FGL1: variants seen among roughly 807,000 people sequenced by gnomAD.
FGL1 encodes fibrinogen-like protein 1.
Under a neutral mutation model 43.7 loss-of-function variants are expected in FGL1, and 59 were observed. That is an observed-to-expected ratio of 1.35 (90% confidence interval 1.10 to 1.68). The LOEUF is 1.68. FGL1 is among the 40% of genes most tolerant of loss of function. FGL1 has a pLI of 0.00. For synonymous variants in FGL1, 192 were observed against 126.5 expected (o/e 1.52, Z -3.48); for missense variants, 596 against 373.0 (o/e 1.60, Z -4.92).
intron 3 of FGL1, among the ~76,000 whole-genome samples, chr8:17,875,118 G>C (rs1035428713): frequency 6.6e-5 from 10 of 152,176 alleles, no homozygotes; most frequent in African/African-American, 2.4e-4. Flanking sequence ...TCCTGACTTA[G>C]AGCATGATAA....
intron 5 of FGL1, among the ~76,000 whole-genome samples, chr8:17,871,720 A>C (rs904353195): frequency 6.6e-6 from 1 of 151,958 alleles, no homozygotes; most frequent in Non-Finnish European, 1.5e-5. Flanking sequence ...ATAATTAAAG[A>C]ATGCAGAGAC....
chr8:17,885,385 T>C lies in FGL1; in HGVS notation c.63+107A>G, dbSNP rs182210693. ...CAGCCTCTTTGCTTTTCCCACATAGTTAAGTTTTTTCAATGACAAGTCACT... is the reference window on the plus strand; with the variant it reads ...CAGCCTCTTTGCTTTTCCCACATAGCTAAGTTTTTTCAATGACAAGTCACT... On this transcript the variant is annotated intron_variant, in intron 2 of 7. Coordinates refer to ENST00000427924, the MANE Select transcript of FGL1 (RefSeq NM_004467.4). 5.6e-4 allele frequency: 513 copies of C among 910,518 alleles called. 3 individuals carry two copies. The East Asian group carries it at 0.013, about 22-fold the overall frequency. 56.4% of individuals were successfully genotyped at this position (910,518 alleles called of 1,614,324 possible).
intron 3 of FGL1, among the ~76,000 whole-genome samples, chr8:17,876,986 C>T (rs1314292144): frequency 2.0e-5 from 3 of 152,066 alleles, no homozygotes; most frequent in African/African-American, 7.2e-5. Context: ...AAACCCCCAA[C>T]AAATAAATAA....
Position 17,864,551 on chromosome 8 carries a change from A to G in FGL1, c.*41T>C. On this transcript the variant is annotated 3_prime_UTR_variant, in exon 8 of 8. Transcript: ENST00000427924. Reference sequence around the variant, plus strand: ...AATGAGTATTTTTCAAATCACTTTAAACAAAGCTGAATTGCAGAAACGAAA... The same window carrying G: ...AATGAGTATTTTTCAAATCACTTTAGACAAAGCTGAATTGCAGAAACGAAA... 1 of 1,575,800 alleles carries G rather than the reference A, an allele frequency of 6.3e-7. No homozygotes were observed. Among genetic ancestry groups the G allele is most frequent in the East Asian group, 2.3e-5 (1 of 44,354 alleles).
chr8:17,874,220 T>G, intron 4 of FGL1, 104 bp from the exon 5 acceptor site: 3 of 1,350,380 alleles, frequency 2.2e-6, no homozygotes, highest in Non-Finnish European at 3.1e-6. Context: ...TTTTCTTGAT[T>G]AGTTAATTCA....
chr8:17,871,266 G>A (rs1441720934), intron 5 of FGL1, among the ~76,000 whole-genome samples: 1 of 152,090 alleles, frequency 6.6e-6, no homozygotes, highest in Non-Finnish European at 1.5e-5. Flanking sequence ...GCTAAGGCAC[G>A]CAGATGACTT....
At chr8:17,867,827 T>A (rs1342444944) in intron 7 of FGL1, among the ~76,000 whole-genome samples, 3 of 152,178 alleles carry the variant, frequency 2.0e-5, no homozygotes, top group Non-Finnish European at 4.4e-5. Context: ...CCCAACACTT[T>A]GGGAGGCCGG....
chr8:17,872,123 A>T (rs1487497984), intron 5 of FGL1, among the ~76,000 whole-genome samples: 1 of 152,146 alleles, frequency 6.6e-6, no homozygotes, highest in East Asian at 1.9e-4. Context: ...AGCACTGATC[A>T]TAAGAAGGAC....
chr8:17,893,658 T>G (rs1258572875), intron 1 of FGL1, among the ~76,000 whole-genome samples: 1 of 146,974 alleles, frequency 6.8e-6, no homozygotes, highest in African/African-American at 2.7e-5. Flanking sequence ...AGTCATTATA[T>G]TACTTTGATT....
At chr8:17,880,671 T>A (rs930232620) in intron 3 of FGL1, among the ~76,000 whole-genome samples, 3 of 152,176 alleles carry the variant, frequency 2.0e-5, no homozygotes, top group African/African-American at 7.2e-5. Context: ...CTCAATAGAC[T>A]CATAAACAGA....
chr8:17,883,612 T>C (rs933613724), intron 2 of FGL1, among the ~76,000 whole-genome samples: 5 of 143,240 alleles, frequency 3.5e-5, no homozygotes, highest in African/African-American at 1.3e-4. Context: ...CATAATGGAT[T>C]TATATAGTAT....
At chr8:17,874,143 T>G in intron 4 of FGL1, 27 bp from the exon 5 acceptor site, 2 of 1,573,822 alleles carry the variant, frequency 1.3e-6, no homozygotes, top group South Asian at 1.1e-5. Flanking sequence ...GGAAGCCGAT[T>G]AGAGCAAACT....
intron 1 of FGL1, among the ~76,000 whole-genome samples, chr8:17,890,609 C>T (rs414884): frequency 0.67 from 101,187 of 151,952 alleles, 34,429 homozygotes; most frequent in Middle Eastern, 0.74. Context: ...CTGTCCCCTA[C>T]TGTCTTAGTC....
At chr8:17,894,643 T>G (rs1236152828) in intron 1 of FGL1, among the ~76,000 whole-genome samples, 2 of 146,670 alleles carry the variant, frequency 1.4e-5, no homozygotes, top group Non-Finnish European at 3.0e-5. Flanking sequence ...ATGCAATTCA[T>G]TCAAAATGTA....
chr8:17,876,496 G>A (rs1382522342), intron 3 of FGL1, among the ~76,000 whole-genome samples: 2 of 152,156 alleles, frequency 1.3e-5, no homozygotes, highest in African/African-American at 4.8e-5. Flanking sequence ...AGATTCAGAA[G>A]CACATGCGTT....
chr8:17,876,468 T>A (rs149074994), intron 3 of FGL1, among the ~76,000 whole-genome samples: 1 of 152,202 alleles, frequency 6.6e-6, no homozygotes, highest in African/African-American at 2.4e-5. Context: ...TTAGGCTTTA[T>A]TCATATATTT....
chr8:17,890,538 C>T (rs796110103), intron 1 of FGL1, among the ~76,000 whole-genome samples: 4 of 152,250 alleles, frequency 2.6e-5, no homozygotes, highest in African/African-American at 9.6e-5. Flanking sequence ...TCCTTCAGGT[C>T]TTTGCTCAGG....
At chr8:17,874,555 A>G in intron 3 of FGL1, 34 bp from the exon 4 acceptor site, 2 of 1,573,104 alleles carry the variant, frequency 1.3e-6, no homozygotes, top group Admixed American at 1.8e-5. Context: ...AACATTCATT[A>G]TGTGTCTTTT....
At position 17,864,801 on chromosome 8, in the gene FGL1, A is replaced by T. The variant is rs760519806; in HGVS notation, c.780-50T>A. 2.2e-6 allele frequency: 3 copies of T among 1,353,340 alleles called. No individual in the cohort carries two copies. In the African/African-American group the frequency reaches 4.4e-5, roughly 20 times the overall value. The allele number at this position is 1,353,340 out of a possible 1,614,324, so 83.8% of individuals were successfully genotyped here. A position where few individuals can be genotyped will look rare whatever the true frequency, so the allele number is the denominator to read the frequency against. ...AAAACAACAATCAGACTGGAAAAAT[A>T]TTGTTCAGAATCCCTTTTATTTTGC... is the stretch of plus-strand genomic sequence containing the variant. On this transcript the variant is annotated intron_variant, in intron 7 of 7. Transcript: ENST00000427924.
Sources: gnomAD v4.1 joint callset for allele counts (sites outside exome capture counted in the v4.1 genomes callset) on GRCh38, gnomAD v4.1.1 for gene constraint, MANE v1.5 for transcripts, NCBI Gene and HGNC (gene_info 2026-07-23, HGNC 2026-07-21) for gene names.